The following PCOLCE2 variants were observed in gnomAD, a reference collection of about 807,000 sequenced individuals.
The protein encoded by PCOLCE2 is procollagen C-endopeptidase enhancer 2.
In PCOLCE2, 42 loss-of-function variants were observed where a neutral mutation model predicts 47.0. The ratio of observed to expected loss-of-function variants is 0.89; its 90% CI spans 0.70 to 1.16. The LOEUF (loss-of-function observed/expected upper bound fraction) is 1.16. Among genes scored for constraint, PCOLCE2 ranks in the 50% most tolerant of loss-of-function variants. PCOLCE2 has a pLI of 0.00. For missense variants in PCOLCE2, 500 were observed against 526.1 expected (o/e 0.95, Z 0.49); for synonymous variants, 169 against 191.7 (o/e 0.88, Z 0.98).
rs111420411 is a variant in PCOLCE2 at position 142,823,531 on chromosome 3, C to A, written c.949+1G>T. ...GAAAAAGACTGGCTTTTATTTCTTA[C>A]CAAAGTCACTTGAACAATAATTGCC... On this transcript the variant is annotated splice_donor_variant, in intron 7 of 8. Coordinates refer to ENST00000295992, the MANE Select transcript of PCOLCE2 (RefSeq NM_013363.4). LOFTEE classifies it high-confidence loss of function. 6.3e-7 allele frequency: 1 copy of A among 1,583,454 alleles called. No individual in the cohort carries two copies. The highest frequency in any genetic ancestry group is 8.7e-7 in the Non-Finnish European group (1 of 1,154,136).
At chr3:142,871,822 A>G (rs1243500255) in intron 2 of PCOLCE2, among the ~76,000 whole-genome samples, 1 of 152,202 alleles carries the variant, frequency 6.6e-6, no homozygotes, top group African/African-American at 2.4e-5. Context: ...TTCAATACAC[A>G]TATGTACTTG....
At chr3:142,859,997 T>C (rs1933147469) in intron 2 of PCOLCE2, among the ~76,000 whole-genome samples, 1 of 152,258 alleles carries the variant, frequency 6.6e-6, no homozygotes, top group African/African-American at 2.4e-5. Context: ...AGGCTTTACA[T>C]GGTAGCATTA....
intron 4 of PCOLCE2, among the ~76,000 whole-genome samples, chr3:142,841,087 A>C (rs1350840306): frequency 1.3e-5 from 2 of 151,914 alleles, no homozygotes; most frequent in Non-Finnish European, 2.9e-5. Flanking sequence ...AAAAAAAAAA[A>C]AAAGAAATTA....
chr3:142,879,518 C>T (rs576239026), intron 2 of PCOLCE2, among the ~76,000 whole-genome samples: 28 of 152,262 alleles, frequency 1.8e-4, no homozygotes, highest in Non-Finnish European at 1.3e-4. Flanking sequence ...TGGACTGAGG[C>T]CCCAGTGGGA....
At position 142,818,265 on chromosome 3, in the gene PCOLCE2, T is replaced by C. The variant is rs941999627; in HGVS notation, c.*70A>G. On this transcript the variant is annotated 3_prime_UTR_variant, in exon 9 of 9. Transcript: ENST00000295992. ...ATATGTAATTTTATAAGTATTTTTT[T>C]TTCTACTGAGAGAACATAGATCTTT... 119 of 1,377,420 alleles carry C rather than the reference T, an allele frequency of 8.6e-5. No individual in the cohort carries two copies. Among genetic ancestry groups the C allele is most frequent in the Non-Finnish European group, 1.2e-4 (117 of 983,490 alleles). 85.3% of individuals were successfully genotyped at this position (1,377,420 alleles called of 1,614,324 possible).
chr3:142,829,624 T>C (rs1000075550), intron 6 of PCOLCE2, 68 bp downstream of exon 6: 54 of 1,182,082 alleles, frequency 4.6e-5, no homozygotes, highest in Admixed American at 7.7e-5. Context: ...TTATTTTTTT[T>C]CTACTTTAAA....
chr3:142,884,474 C>T (rs567403409), intron 2 of PCOLCE2, among the ~76,000 whole-genome samples: 207 of 152,308 alleles, frequency 1.4e-3, no homozygotes, highest in Non-Finnish European at 2.5e-3. Flanking sequence ...AGGTTATAGT[C>T]CCCAGAATCA....
At chr3:142,855,374 A>G (rs1385697686) in intron 2 of PCOLCE2, among the ~76,000 whole-genome samples, 2 of 152,138 alleles carry the variant, frequency 1.3e-5, no homozygotes, top group Non-Finnish European at 1.5e-5. Flanking sequence ...TCCTATTACT[A>G]GCACATACTT....
Position 142,818,438 on chromosome 3 carries a change from A to T in PCOLCE2, c.1145T>A (p.Val382Glu), listed in dbSNP as rs200880082. 6 of 1,612,222 alleles carry T rather than the reference A, an allele frequency of 3.7e-6. No homozygotes were observed. The part of the protein sequence containing the change: ...RGLNYIIMGQ[V>E]GEDGRGKIMP... ...GATTTTGCCTCGCCCATCTTCACCTACTTGGCCCATAATAATGTAATTTAG... is the reference window on the plus strand; with the variant it reads ...GATTTTGCCTCGCCCATCTTCACCTTCTTGGCCCATAATAATGTAATTTAG... Residue 382 changes from valine to glutamate, a missense_variant, in exon 9 of 9, where the codon GTA becomes GAA. Physicochemically the swap from Val to Glu is moderately radical, Grantham distance 121 (BLOSUM62 -2). Transcript: ENST00000295992.
intron 2 of PCOLCE2, among the ~76,000 whole-genome samples, chr3:142,876,176 G>A (rs1578050428): frequency 6.6e-6 from 1 of 152,186 alleles, no homozygotes; most frequent in African/African-American, 2.4e-5. Flanking sequence ...TAGAATGTAA[G>A]CACCATTAGT....
At chr3:142,838,666 A>T in intron 5 of PCOLCE2, 104 bp downstream of exon 5, 1 of 1,033,274 alleles carries the variant, frequency 9.7e-7, no homozygotes. Context: ...TAACAAAACA[A>T]CAACAACATA....
intron 5 of PCOLCE2, among the ~76,000 whole-genome samples, chr3:142,837,278 T>C (rs1306722055): frequency 2.0e-5 from 3 of 152,364 alleles, no homozygotes; most frequent in Admixed American, 2.0e-4. Context: ...TGTAAGAGAA[T>C]ACATTTGTGC....
chr3:142,846,714 ACT>A (rs1189924626), intron 3 of PCOLCE2: 4 of 151,248 alleles, frequency 2.6e-5, no homozygotes, highest in African/African-American at 9.7e-5. Flanking sequence ...AAGTTCACTG[ACT>A]CTTTTTTTCT....
chr3:142,845,913 T>C (rs919545904), intron 3 of PCOLCE2, among the ~76,000 whole-genome samples: 2 of 152,102 alleles, frequency 1.3e-5, no homozygotes, highest in African/African-American at 4.8e-5. Context: ...AGGTGGAGGT[T>C]GCAGTGGGCC....
intron 5 of PCOLCE2, 60 bp from the exon 6 acceptor site, chr3:142,829,906 G>T: frequency 2.0e-6 from 2 of 1,022,928 alleles, no homozygotes; most frequent in Non-Finnish European, 2.8e-6. Flanking sequence ...CTCTGAAAAT[G>T]TAAAATTTTC....
intron 2 of PCOLCE2, among the ~76,000 whole-genome samples, chr3:142,860,080 T>C (rs901225636): frequency 3.3e-5 from 5 of 152,232 alleles, no homozygotes; most frequent in South Asian, 2.1e-4. Context: ...TAGTTTACAA[T>C]ATAAAAGTAT....
intron 5 of PCOLCE2, among the ~76,000 whole-genome samples, chr3:142,836,702 C>T (rs1937207721): frequency 6.6e-6 from 1 of 151,676 alleles, no homozygotes; most frequent in African/African-American, 2.4e-5. Flanking sequence ...TAGACCAGGA[C>T]AGAGTCAATA....
At chr3:142,825,284 C>A (rs1937063337) in intron 6 of PCOLCE2, among the ~76,000 whole-genome samples, 1 of 152,156 alleles carries the variant, frequency 6.6e-6, no homozygotes, top group Admixed American at 6.5e-5. Flanking sequence ...GTCCAACATG[C>A]CCTTCTCCTG....
intron 3 of PCOLCE2, among the ~76,000 whole-genome samples, chr3:142,844,625 G>A (rs1453429033): frequency 2.0e-5 from 3 of 152,136 alleles, no homozygotes; most frequent in African/African-American, 7.2e-5. Flanking sequence ...ATTTTAATTT[G>A]CATTTCCCTG....
Sources: gnomAD v4.1 joint callset for allele counts (sites outside exome capture counted in the v4.1 genomes callset) on GRCh38, gnomAD v4.1.1 for gene constraint, MANE v1.5 for transcripts, NCBI Gene and HGNC (gene_info 2026-07-23, HGNC 2026-07-21) for gene names.